The following PGC variants were observed in gnomAD, a reference collection of about 807,000 sequenced individuals.
PGC encodes the protein progastricsin.
PGC carries 31 observed loss-of-function variants against 45.9 expected under a neutral mutation model. That is an observed-to-expected ratio of 0.67 (90% CI 0.51 to 0.91). The LOEUF (loss-of-function observed/expected upper bound fraction) is 0.91, where lower values mean the gene tolerates loss of function less well. PGC is among the 40% of genes least tolerant of loss of function. PGC has a pLI of 0.00. For synonymous variants in PGC, 192 were observed against 201.8 expected (o/e 0.95, Z 0.41); for missense variants, 477 against 493.2 (o/e 0.97, Z 0.31).
At chr6:41,739,049 G>A (rs1435888388) in intron 7 of PGC, among the ~76,000 whole-genome samples, 1 of 152,114 alleles carries the variant, frequency 6.6e-6, no homozygotes, top group Admixed American at 6.6e-5. Flanking sequence ...AAAATTAGTG[G>A]TAGTGGGCTT....
At position 41,737,715 on chromosome 6, in the gene PGC, G is replaced by A. The variant is rs144666615; in HGVS notation, c.1014+15C>T. ...CCCAATCATGGTGGCTCAGCCTGCA[G>A]GGACCAGGACTTACACTGAGGATAT... On this transcript the variant is annotated intron_variant, in intron 8 of 8. Transcript: ENST00000373025. 0.018 allele frequency: 26,566 copies of A among 1,489,506 alleles called. 294 individuals carry two copies. The highest frequency in any genetic ancestry group is 0.035 in the Middle Eastern group (202 of 5,820). 92.3% of individuals were successfully genotyped at this position (1,489,506 alleles called of 1,614,324 possible). A position where few individuals can be genotyped will look rare whatever the true frequency, so the allele number is the denominator to read the frequency against.
intron 5 of PGC, chr6:41,741,940 C>T: frequency 1.1e-6 from 1 of 945,516 alleles, no homozygotes; most frequent in Non-Finnish European, 1.6e-6. Flanking sequence ...GAGCGAACTG[C>T]CCCACCCGCT....
At chr6:41,746,400 G>T (rs1771931951) in intron 1 of PGC, among the ~76,000 whole-genome samples, 2 of 152,238 alleles carry the variant, frequency 1.3e-5, no homozygotes, top group South Asian at 4.1e-4. Flanking sequence ...GGCCTGGGTG[G>T]TCTGGAGCAC....
intron 5 of PGC, chr6:41,740,923 A>T: frequency 6.8e-7 from 1 of 1,469,412 alleles, no homozygotes; most frequent in Non-Finnish European, 9.0e-7. Context: ...GGGGACTGGG[A>T]TGCGTCCCTT....
intron 6 of PGC, 102 bp from the exon 7 acceptor site, chr6:41,740,048 T>C: frequency 3.9e-6 from 4 of 1,021,204 alleles, no homozygotes; most frequent in Non-Finnish European, 5.8e-6. Context: ...AGCTACTTTC[T>C]TGAGGAAAGT....
chr6:41,740,669 T>C, intron 5 of PGC, 59 bp from the exon 6 acceptor site: 1 of 1,536,506 alleles, frequency 6.5e-7, no homozygotes, highest in Non-Finnish European at 8.8e-7. Flanking sequence ...ACTTTCCTCC[T>C]GAGCAGTCAC....
chr6:41,743,119 T>G, intron 4 of PGC, 152 bp downstream of exon 4: 1 of 691,786 alleles, frequency 1.4e-6, no homozygotes. Context: ...CAGTGAGTGT[T>G]GGGGGAGTGA....
intron 5 of PGC, chr6:41,741,259 G>A (rs758951364): frequency 6.9e-7 from 1 of 1,442,114 alleles, no homozygotes; most frequent in Non-Finnish European, 9.1e-7. Flanking sequence ...ATAAACAGAG[G>A]TGGAGAGGAA....
At chr6:41,743,439 C>A (rs779914073) in intron 3 of PGC, 50 bp from the exon 4 acceptor site, 1 of 1,126,998 alleles carries the variant, frequency 8.9e-7, no homozygotes, top group East Asian at 2.3e-5. Flanking sequence ...GGCAGGGCTG[C>A]TCAGCTCTCA....
At chr6:41,743,156 TCC>T in intron 4 of PGC, 113 bp downstream of exon 4, 1 of 749,434 alleles carries the variant, frequency 1.3e-6, no homozygotes, top group South Asian at 1.5e-5. Context: ...TGTCCTGCCT[TCC>T]TGTCCTGCAC....
intron 1 of PGC, among the ~76,000 whole-genome samples, chr6:41,745,070 C>A (rs1233001922): frequency 1.3e-5 from 2 of 151,992 alleles, no homozygotes; most frequent in African/African-American, 4.8e-5. Flanking sequence ...TTACAAAGCT[C>A]TTCTCAGCAC....
Position 41,742,906 on chromosome 6 carries a change from G to C in PGC, c.447+365C>G, listed in dbSNP as rs199978979. 3.0e-4 allele frequency among the ~76,000 whole-genome samples: 46 copies of C among 152,300 alleles called. 1 individual carries two copies. The East Asian group carries it at 7.9e-3, about 26-fold the overall frequency. On this transcript the variant is annotated intron_variant, in intron 4 of 8. Coordinates refer to ENST00000373025, the MANE Select transcript of PGC (RefSeq NM_002630.4). ...TCCAAAGTGCTGGGATTACAGGCGTGAGCCACCGTAGCCAGCCACCTCTGC... is the reference window on the plus strand; with the variant it reads ...TCCAAAGTGCTGGGATTACAGGCGTCAGCCACCGTAGCCAGCCACCTCTGC...
At chr6:41,746,577 C>T (rs1207986267) in intron 1 of PGC, among the ~76,000 whole-genome samples, 1 of 152,236 alleles carries the variant, frequency 6.6e-6, no homozygotes, top group African/African-American at 2.4e-5. Flanking sequence ...TGCTTAATCC[C>T]CATTCCCTGG....
chr6:41,744,863 C>G lies in PGC; in HGVS notation c.60-55G>C. 1 of 1,477,770 alleles carries G rather than the reference C, an allele frequency of 6.8e-7. No homozygotes were observed. The highest frequency in any genetic ancestry group is 1.2e-5 in the South Asian group (1 of 83,096). The allele number at this position is 1,477,770 out of a possible 1,614,324, so 91.5% of individuals were successfully genotyped here. On this transcript the variant is annotated intron_variant, in intron 1 of 8. Transcript: ENST00000373025. The surrounding 1 kb of genome is among the most constrained non-coding windows in gnomAD (Gnocchi z 4.4). Reference sequence around the variant, plus strand: ...CCTCCCTCCTTCCTCTCTTCCCACTCCTCTCTTTCTCTCTCTCCTTCTCTT... The same window carrying G: ...CCTCCCTCCTTCCTCTCTTCCCACTGCTCTCTTTCTCTCTCTCCTTCTCTT...
Position 41,736,972 on chromosome 6 carries a change from G to A in PGC, c.1047C>T (p.Pro349=). ...GGCCGTTCTGGGAGGACAGGTAGGT[G>A]GGCTCGACTCCCACGGTGCAGTAGC... is the stretch of plus-strand genomic sequence containing the variant. ...NNGYCTVGVE[P]TYLSSQNGQP... is the part of the protein sequence containing the mutation. Residue 349 remains proline (P), a synonymous_variant, in exon 9 of 9, where the codon CCC becomes CCT. Coordinates refer to ENST00000373025, the MANE Select transcript of PGC (RefSeq NM_002630.4). 1 of 1,614,014 alleles carries A rather than the reference G, an allele frequency of 6.2e-7. No individual in the cohort carries two copies. Among genetic ancestry groups the A allele is most frequent in the Middle Eastern group, 1.7e-4 (1 of 6,042 alleles).
Position 41,740,394 on chromosome 6 carries a change from C to T in PGC, c.767+97G>A, listed in dbSNP as rs1771798946. On this transcript the variant is annotated intron_variant, in intron 6 of 8. Transcript: ENST00000373025. ...AGTAAGCCTCAGGGGTCCTCTGCCC[C>T]ATCCCAGAGCAGTGCCAGACTGTGT... is the stretch of plus-strand genomic sequence containing the variant. 3.5e-6 allele frequency: 5 copies of T among 1,446,580 alleles called. No individual in the cohort carries two copies. The South Asian group carries it at 4.3e-5, about 12-fold the overall frequency. 89.6% of individuals were successfully genotyped at this position (1,446,580 alleles called of 1,614,324 possible). A position where few individuals can be genotyped will look rare whatever the true frequency, so the allele number is the denominator to read the frequency against.
chr6:41,738,932 C>A (rs1403606890), intron 7 of PGC, among the ~76,000 whole-genome samples: 3 of 151,992 alleles, frequency 2.0e-5, no homozygotes, highest in African/African-American at 7.3e-5. Flanking sequence ...TGCACTCCAG[C>A]CTGGGCGACA....
intron 4 of PGC, among the ~76,000 whole-genome samples, 189 bp downstream of exon 4, chr6:41,743,082 C>T (rs554009833): frequency 7.9e-5 from 12 of 152,340 alleles, no homozygotes; most frequent in African/African-American, 2.9e-4. Flanking sequence ...CAGTATGGTG[C>T]CCCAGTGCCT....
At chr6:41,745,014 T>TGCGC (rs10616955) in intron 1 of PGC, among the ~76,000 whole-genome samples, 53 of 99,886 alleles carry the variant, frequency 5.3e-4, no homozygotes, top group South Asian at 2.9e-3. Context: ...TGTGTGTGTG[T>TGCGC]GCGCGCGCGC....
Sources: allele counts gnomAD v4.1 joint callset (sites outside exome capture counted in the v4.1 genomes callset), GRCh38; gene constraint gnomAD v4.1.1; non-coding constraint Gnocchi (gnomAD v3.1); transcripts MANE v1.5; gene names NCBI Gene and HGNC (gene_info 2026-07-23, HGNC 2026-07-21).